The following COP1 variants were observed in gnomAD, a reference collection of about 807,000 sequenced individuals.
The protein encoded by COP1 is COP1 E3 ubiquitin ligase, also known as E3 ubiquitin-protein ligase COP1.
A neutral mutation model predicts 101.3 loss-of-function variants in COP1; 24 were observed. The observed-to-expected ratio is 0.24, with a 90% confidence interval of 0.17 to 0.33. The LOEUF is 0.33. Ranked by LOEUF, COP1 falls within the 10% of genes least tolerant of loss-of-function variation. The pLI is 1.00. For missense variants in COP1, 663 were observed against 906.2 expected (o/e 0.73, Z 3.45); for synonymous variants, 347 against 341.9 (o/e 1.01, Z -0.17).
intron 14 of COP1, among the ~76,000 whole-genome samples, chr1:176,028,592 T>C (rs1250970483): frequency 1.4e-5 from 2 of 146,628 alleles, no homozygotes; most frequent in East Asian, 2.0e-4. Flanking sequence ...AAAATCAATA[T>C]AGATAAACGA....
chr1:176,141,362 G>A lies in COP1; in HGVS notation c.832-4815C>T, dbSNP rs12074237. ...CTAAAAATATAAAAATTAGCCAGGC[G>A]TGGTGGTAGGCACCTGTAATACCAG... On this transcript the variant is annotated intron_variant, in intron 6 of 19. Coordinates refer to ENST00000367669, the MANE Select transcript of COP1 (RefSeq NM_022457.7). 4.6e-3 allele frequency among the ~76,000 whole-genome samples: 705 copies of A among 152,132 alleles called. 5 individuals are homozygous for A. Among genetic ancestry groups the A allele is most frequent in the African/African-American group, 0.015 (637 of 41,518 alleles).
chr1:176,088,385 T>C (rs1245139228), intron 9 of COP1, among the ~76,000 whole-genome samples: 5 of 152,196 alleles, frequency 3.3e-5, no homozygotes, highest in Admixed American at 6.5e-5. Flanking sequence ...AGGTGAATTA[T>C]GAGTTTCTAG....
At chr1:176,112,645 C>T (rs1377624461) in intron 9 of COP1, among the ~76,000 whole-genome samples, 3 of 152,302 alleles carry the variant, frequency 2.0e-5, no homozygotes, top group South Asian at 2.1e-4. Context: ...TTATCAAATG[C>T]TACAACTCAT....
At chr1:176,043,096 G>C (rs547045373) in intron 14 of COP1, 90 bp downstream of exon 14, 4 of 775,972 alleles carry the variant, frequency 5.2e-6, no homozygotes, top group East Asian at 2.5e-5. Flanking sequence ...ACATGAGTTT[G>C]AGTAAATATT....
chr1:176,115,734 TTC>T (rs1250621746), intron 9 of COP1, among the ~76,000 whole-genome samples: 2 of 151,974 alleles, frequency 1.3e-5, no homozygotes, highest in Admixed American at 1.3e-4. Flanking sequence ...GACAGTGAGA[TTC>T]TGTTTCAAAA....
intron 14 of COP1, among the ~76,000 whole-genome samples, chr1:176,036,490 T>C (rs2149127633): frequency 7.7e-6 from 1 of 130,248 alleles, no homozygotes; most frequent in East Asian, 2.1e-4. Flanking sequence ...TCAGAGGTAA[T>C]GAAAAAAACA....
intron 15 of COP1, among the ~76,000 whole-genome samples, chr1:176,001,130 C>T (rs1187546248): frequency 6.6e-6 from 1 of 152,070 alleles, no homozygotes; most frequent in East Asian, 1.9e-4. Context: ...TTTAATTTTA[C>T]ATGAACACTC....
At chr1:176,112,878 CT>C (rs776800129) in intron 9 of COP1, among the ~76,000 whole-genome samples, 5 of 152,176 alleles carry the variant, frequency 3.3e-5, no homozygotes, top group Non-Finnish European at 5.9e-5. Context: ...ATCCATGTTG[CT>C]GCAAATGACA....
At chr1:176,127,365 TA>T (rs1688170726) in intron 8 of COP1, among the ~76,000 whole-genome samples, 1 of 152,194 alleles carries the variant, frequency 6.6e-6, no homozygotes, top group African/African-American at 2.4e-5. Context: ...CATCCACCTC[TA>T]ATCTCTGTTA....
chr1:175,994,539 G>C (rs926238590), intron 15 of COP1, among the ~76,000 whole-genome samples: 28 of 152,262 alleles, frequency 1.8e-4, no homozygotes, highest in Non-Finnish European at 1.5e-4. Context: ...AAAATAAAAG[G>C]ATGGAGGAAG....
intron 9 of COP1, chr1:176,100,301 A>T: frequency 5.0e-6 from 1 of 200,970 alleles, no homozygotes; most frequent in South Asian, 6.0e-5. Context: ...AGGCAGGAGA[A>T]TCGCTTGTAC....
intron 19 of COP1, among the ~76,000 whole-genome samples, chr1:175,946,584 A>AT (rs1649197766): frequency 6.6e-6 from 1 of 152,232 alleles, no homozygotes; most frequent in Admixed American, 6.5e-5. Context: ...CTCAGGATTT[A>AT]TTTATCCAAT....
chr1:176,198,460 A>C (rs1385826543), intron 1 of COP1, among the ~76,000 whole-genome samples: 1 of 152,182 alleles, frequency 6.6e-6, no homozygotes, highest in Admixed American at 6.5e-5. Flanking sequence ...ATAAAAACTA[A>C]CTTGAAGTGG....
Position 176,011,576 on chromosome 1 carries a change from A to G in COP1, c.1729+15996T>C, listed in dbSNP as rs185184626. Reference sequence around the variant, plus strand: ...TCATACCATCTTAACAATCAAATCAATCTTTCTAGACAATGTGAGATTCAA... The same window carrying G: ...TCATACCATCTTAACAATCAAATCAGTCTTTCTAGACAATGTGAGATTCAA... On this transcript the variant is annotated intron_variant, in intron 15 of 19. Coordinates refer to ENST00000367669, the MANE Select transcript of COP1 (RefSeq NM_022457.7). Among the ~76,000 whole-genome samples, 4 of 152,284 alleles carry G rather than the reference A, an allele frequency of 2.6e-5. No individual in the cohort carries two copies. The East Asian group carries it at 7.7e-4, about 29-fold the overall frequency.
intron 1 of COP1, among the ~76,000 whole-genome samples, chr1:176,188,279 A>C (rs572354578): frequency 6.6e-6 from 1 of 152,272 alleles, no homozygotes; most frequent in African/African-American, 2.4e-5. Flanking sequence ...GGTAGAATAG[A>C]ATAAAGAAAG....
intron 10 of COP1, among the ~76,000 whole-genome samples, chr1:176,085,280 G>C (rs569573597): frequency 6.6e-5 from 10 of 151,316 alleles, no homozygotes; most frequent in Non-Finnish European, 1.3e-4. Flanking sequence ...ACTATCAGTT[G>C]TATTAGTGGA....
intron 11 of COP1, among the ~76,000 whole-genome samples, chr1:176,057,162 T>A (rs368839801): frequency 2.0e-5 from 3 of 152,264 alleles, no homozygotes; most frequent in African/African-American, 4.8e-5. Flanking sequence ...GGTGTAAGAA[T>A]CTTATTATCC....
At chr1:176,140,422 A>T (rs1407262540) in intron 6 of COP1, among the ~76,000 whole-genome samples, 1 of 152,210 alleles carries the variant, frequency 6.6e-6, no homozygotes, top group East Asian at 1.9e-4. Context: ...AAAAGAAAAA[A>T]GTTTGGAAGA....
chr1:176,019,175 T>C (rs895272967), intron 15 of COP1, among the ~76,000 whole-genome samples: 3 of 148,390 alleles, frequency 2.0e-5, no homozygotes, highest in Non-Finnish European at 4.5e-5. Context: ...TTTAAAAAAA[T>C]AAATCATGGC....
Sources: allele counts gnomAD v4.1 joint callset (sites outside exome capture counted in the v4.1 genomes callset), GRCh38; gene constraint gnomAD v4.1.1; transcripts MANE v1.5; gene names NCBI Gene and HGNC (gene_info 2026-07-23, HGNC 2026-07-21).